The following SLC35F4 variants were observed in gnomAD, a reference collection of about 807,000 sequenced individuals.
SLC35F4 encodes chromosome 14 open reading frame 36.
SLC35F4 carries 24 observed loss-of-function variants against 44.2 expected under a neutral mutation model. The ratio of observed to expected loss-of-function variants is 0.54; its 90% CI spans 0.39 to 0.76. SLC35F4 has a LOEUF of 0.76. Among genes scored for constraint, SLC35F4 ranks in the 30% least tolerant of loss-of-function variants. The pLI is 0.00. For synonymous variants in SLC35F4, 238 were observed against 223.6 expected, an observed-to-expected ratio of 1.06 and a Z score of -0.57; for missense variants, 562 against 586.1, an observed-to-expected ratio of 0.96 and a Z score of 0.42.
chr14:57,914,455 C>G (rs568958565), intron 1 of SLC35F4, among the ~76,000 whole-genome samples: 3 of 151,544 alleles, frequency 2.0e-5, no homozygotes, highest in Non-Finnish European at 2.9e-5. Flanking sequence ...CTCAGCTACT[C>G]GGGAGGCTGA....
chr14:57,858,857 G>T (rs1264506941), intron 1 of SLC35F4, among the ~76,000 whole-genome samples: 2 of 150,326 alleles, frequency 1.3e-5, no homozygotes, highest in African/African-American at 5.0e-5. Context: ...GCTTTAGGAG[G>T]CTGAGGTGGG....
At chr14:57,742,781 C>G (rs1432712046) in intron 1 of SLC35F4, among the ~76,000 whole-genome samples, 1 of 152,210 alleles carries the variant, frequency 6.6e-6, no homozygotes, top group African/African-American at 2.4e-5. Flanking sequence ...TTCTTCTCAG[C>G]ACCACATCAC....
At chr14:57,622,507 A>G (rs1036275282) in intron 1 of SLC35F4, among the ~76,000 whole-genome samples, 1 of 150,314 alleles carries the variant, frequency 6.7e-6, no homozygotes, top group African/African-American at 2.5e-5. Flanking sequence ...TTATGAGTTC[A>G]TGTCCTTTGT....
chr14:57,720,127 C>G (rs2076047354), intron 1 of SLC35F4, among the ~76,000 whole-genome samples: 1 of 152,090 alleles, frequency 6.6e-6, no homozygotes, highest in Non-Finnish European at 1.5e-5. Flanking sequence ...AGTTGCATAT[C>G]AAATCAATGA....
chr14:57,900,585 A>G lies in SLC35F4; in HGVS notation n.282+81328T>C, dbSNP rs138971886. Among the ~76,000 whole-genome samples, 480 of 152,378 alleles carry G rather than the reference A, an allele frequency of 3.2e-3. 3 individuals carry two copies. Among genetic ancestry groups the G allele is most frequent in the African/African-American group, 0.011 (461 of 41,592 alleles). On this transcript the variant is annotated intron_variant and non_coding_transcript_variant, in intron 1 of 1. Coordinates refer to the SLC35F4 transcript ENST00000556568. ...AAACATTGAGCTTCACATTGGTTTA[A>G]AAGATAATGACAGAGAATGCCTAAC...
At chr14:57,661,359 T>C (rs2074131476) in intron 1 of SLC35F4, among the ~76,000 whole-genome samples, 2 of 152,178 alleles carry the variant, frequency 1.3e-5, no homozygotes, top group South Asian at 4.1e-4. Context: ...CTCCTGTGTC[T>C]TCCTCATGCC....
At position 57,855,689 on chromosome 14, in the gene SLC35F4, G is replaced by A. The variant is rs930513362; in HGVS notation, c.103+10034C>T. On this transcript the variant is annotated intron_variant, in intron 1 of 7. Transcript: ENST00000556826. Reference sequence around the variant, plus strand: ...TTTGACCTAGGAATCCCATTATTGGGTATATACCCAAAAGATTATAAGTCA... The same window carrying A: ...TTTGACCTAGGAATCCCATTATTGGATATATACCCAAAAGATTATAAGTCA... Among the ~76,000 whole-genome samples, 39 of 152,124 alleles carry A rather than the reference G, an allele frequency of 2.6e-4. 1 individual carries two copies. Among genetic ancestry groups the A allele is most frequent in the Non-Finnish European group, 8.8e-5 (6 of 68,038 alleles).
chr14:57,575,998 CTT>C (rs1284065405), intron 4 of SLC35F4, among the ~76,000 whole-genome samples: 1 of 142,400 alleles, frequency 7.0e-6, no homozygotes, highest in Non-Finnish European at 1.6e-5. Context: ...TTTTTTTTTT[CTT>C]TTTTCTTTTT....
chr14:57,587,754 C>T (rs546255721), intron 3 of SLC35F4, among the ~76,000 whole-genome samples: 1 of 149,252 alleles, frequency 6.7e-6, no homozygotes, highest in Non-Finnish European at 1.5e-5. Context: ...CCATGTATCC[C>T]AGAACTTAAA....
intron 1 of SLC35F4, among the ~76,000 whole-genome samples, chr14:57,643,668 C>G (rs980861348): frequency 6.6e-6 from 1 of 152,050 alleles, no homozygotes; most frequent in Non-Finnish European, 1.5e-5. Context: ...GCACAACGTG[C>G]AGGTTTGTTA....
chr14:57,702,100 A>T (rs1957696), intron 1 of SLC35F4, among the ~76,000 whole-genome samples: 98,355 of 151,930 alleles, frequency 0.65, 32,193 homozygotes, highest in African/African-American at 0.74. Flanking sequence ...CAGGAAAACA[A>T]ACTTCTGCAA....
intron 1 of SLC35F4, among the ~76,000 whole-genome samples, chr14:57,738,617 C>A (rs570239509): frequency 6.6e-6 from 1 of 151,780 alleles, no homozygotes; most frequent in African/African-American, 2.4e-5. Flanking sequence ...ATTTAACAAA[C>A]CTGCTTTTCA....
chr14:57,707,843 T>A (rs1050911807), intron 1 of SLC35F4, among the ~76,000 whole-genome samples: 16 of 152,214 alleles, frequency 1.1e-4, no homozygotes, highest in African/African-American at 3.9e-4. Context: ...ACCTAACTGA[T>A]TCCATCTTGC....
intron 1 of SLC35F4, among the ~76,000 whole-genome samples, chr14:57,653,356 A>G (rs1313708126): frequency 6.6e-6 from 1 of 152,192 alleles, no homozygotes; most frequent in African/African-American, 2.4e-5. Context: ...TATTTCAAAG[A>G]GAAGACCCAG....
At chr14:57,608,632 C>T (rs1274498733) in intron 1 of SLC35F4, among the ~76,000 whole-genome samples, 1 of 152,098 alleles carries the variant, frequency 6.6e-6, no homozygotes, top group African/African-American at 2.4e-5. Flanking sequence ...AACTTTGTTA[C>T]AGCAGCCCTA....
At chr14:57,704,256 A>T (rs2075613595) in intron 1 of SLC35F4, among the ~76,000 whole-genome samples, 1 of 152,156 alleles carries the variant, frequency 6.6e-6, no homozygotes, top group Admixed American at 6.6e-5. Context: ...TCCTATGTGT[A>T]AAAGTCTGGT....
At chr14:57,818,199 T>C (rs1376165596) in intron 1 of SLC35F4, among the ~76,000 whole-genome samples, 1 of 152,106 alleles carries the variant, frequency 6.6e-6, no homozygotes, top group African/African-American at 2.4e-5. Context: ...AGTCAGGGGC[T>C]CTCTCTCCAA....
Position 57,608,797 on chromosome 14 carries a change from CGGCG to C in SLC35F4, c.104-14677_104-14674del, listed in dbSNP as rs1566677564. ...AGCCCAAAAGATGGCCGGGGGGGGG[CGGCG>C]GGGGGAGAGAAACAGGAAATTATAA... On this transcript the variant is annotated intron_variant, in intron 1 of 7. Coordinates refer to ENST00000556826, the MANE Select transcript of SLC35F4 (RefSeq NM_001306087.2). Among the ~76,000 whole-genome samples the C allele has an allele frequency of 8.9e-3, 67 of 7,524 alleles. 2 individuals are homozygous for C. Among genetic ancestry groups the C allele is most frequent in the African/African-American group, 0.016 (66 of 4,054 alleles). The allele number at this position is 7,524 out of a possible 152,430, so 4.9% of individuals were successfully genotyped here.
At chr14:57,863,092 C>A (rs1887819319) in intron 1 of SLC35F4, among the ~76,000 whole-genome samples, 1 of 152,160 alleles carries the variant, frequency 6.6e-6, no homozygotes, top group Admixed American at 6.5e-5. Flanking sequence ...GTCTTGAACT[C>A]CCGGCCTCAA....
Sources: allele counts gnomAD v4.1 joint callset (sites outside exome capture counted in the v4.1 genomes callset), GRCh38; gene constraint gnomAD v4.1.1; transcripts MANE v1.5; gene names NCBI Gene and HGNC (gene_info 2026-07-23, HGNC 2026-07-21).